Variants in MCCC1 observed in about 807,000 individuals in gnomAD.
The protein encoded by MCCC1 is methylcrotonyl-CoA carboxylase subunit 1.
In MCCC1, 64 loss-of-function variants were observed where a neutral mutation model predicts 83.8. The observed-to-expected ratio is 0.76, with a 90% CI of 0.62 to 0.94. MCCC1 has a LOEUF of 0.94. Among genes scored for constraint, MCCC1 ranks in the 40% least tolerant of loss-of-function variants. The probability of loss-of-function intolerance (pLI) is 0.00; values close to 1 mark genes in which losing one functional copy is unlikely to be tolerated. For synonymous variants in MCCC1, 322 were observed against 315.4 expected (o/e 1.02, Z -0.22); for missense variants, 807 against 904.7 (o/e 0.89, Z 1.39).
At position 183,112,920 on chromosome 3, in the gene MCCC1, A is replaced by T. The variant is rs143847971; in HGVS notation, c.-102+2554T>A. On this transcript the variant is annotated intron_variant, in intron 1 of 17. Transcript: ENST00000492597. Reference sequence around the variant, plus strand: ...AGACCCCCATCTTAAAAAATAAAAAAAAATAAAAAATAAAAAAAAAATTGG... The same window carrying T: ...AGACCCCCATCTTAAAAAATAAAAATAAATAAAAAATAAAAAAAAAATTGG... Among the ~76,000 whole-genome samples the T allele has an allele frequency of 2.8e-3, 424 of 151,840 alleles. 2 individuals are homozygous for T. The highest frequency in any genetic ancestry group is 9.4e-3 in the African/African-American group (388 of 41,412).
chr3:183,042,791 T>G (rs1416949839), intron 10 of MCCC1, among the ~76,000 whole-genome samples: 1 of 152,228 alleles, frequency 6.6e-6, no homozygotes, highest in Non-Finnish European at 1.5e-5. Flanking sequence ...CAGAGAAAAG[T>G]GTCTGGCATA....
rs116873750 is a variant in MCCC1 at position 183,110,878 on chromosome 3, C to A, written c.-102+4596G>T. 2.0e-3 allele frequency among the ~76,000 whole-genome samples: 300 copies of A among 152,190 alleles called. 3 individuals carry two copies. In the East Asian group the frequency reaches 0.043, roughly 22 times the overall value. On this transcript the variant is annotated intron_variant, in intron 1 of 17. Transcript: ENST00000492597. ...ATATGGCTAGCCGGTTATCACAGCA[C>A]CATTTATTGAATAGGGAGTCCTTTC...
rs138562534 is a variant in MCCC1, at chr3:183,037,957, C to T, written c.1378-523G>A. Among the ~76,000 whole-genome samples the T allele has an allele frequency of 7.4e-3, 1,125 of 152,188 alleles. 11 individuals carry two copies. Among genetic ancestry groups the T allele is most frequent in the African/African-American group, 0.026 (1,080 of 41,532 alleles). On this transcript the variant is annotated intron_variant, in intron 12 of 18. Coordinates refer to ENST00000265594, the MANE Select transcript of MCCC1 (RefSeq NM_020166.5). ...AAAATTTTAAAAGGTATAAAATTAA[C>T]CCAAATACACCAATAAATGGGATCA...
intron 12 of MCCC1, 129 bp from the exon 13 acceptor site, chr3:183,037,563 G>A (rs1454661883): frequency 1.1e-5 from 9 of 802,386 alleles, no homozygotes; most frequent in Non-Finnish European, 1.9e-5. Flanking sequence ...AACCTACTAA[G>A]GTACCATGTG....
At chr3:183,096,894 TC>T (rs1346826356) in intron 1 of MCCC1, among the ~76,000 whole-genome samples, 1 of 152,248 alleles carries the variant, frequency 6.6e-6, no homozygotes, top group East Asian at 1.9e-4. Flanking sequence ...CAAGGCCTAT[TC>T]TGGGCAGATG....
At position 183,071,335 on chromosome 3, in the gene MCCC1, C is replaced by T. The variant is rs1215200906; in HGVS notation, c.514G>A (p.Ala172Thr). Residue 172 changes from alanine to threonine, a missense_variant, in exon 6 of 19, where the codon GCT (alanine) becomes ACT (threonine). Coordinates refer to ENST00000265594, the MANE Select transcript of MCCC1 (RefSeq NM_020166.5). ...CCCTCCACAACAGGTACTCCAGCAG[C>T]AGCCATTATGGATTTGGATGTGCTT... ...IKSTSKSIMA[A>T]AGVPVVEGYH... 2 of 1,614,078 alleles carry T rather than the reference C, an allele frequency of 1.2e-6. No homozygotes were observed. Among genetic ancestry groups the T allele is most frequent in the Non-Finnish European group, 1.7e-6 (2 of 1,180,042 alleles).
Position 183,025,078 on chromosome 3 carries a change from A to G in MCCC1, c.1731+677T>C, listed in dbSNP as rs1712476789. 2.0e-5 allele frequency among the ~76,000 whole-genome samples: 3 copies of G among 152,208 alleles called. No homozygotes were observed. In the South Asian group the frequency reaches 6.2e-4, roughly 31 times the overall value. ...ACAAATACTACATTATTCCGCTTAT[A>G]TCAGGTACCTAGAGTAGTCAAATTC... On this transcript the variant is annotated intron_variant, in intron 15 of 18. Transcript: ENST00000265594.
At chr3:183,022,188 G>A (rs1199763930) in intron 16 of MCCC1, among the ~76,000 whole-genome samples, 1 of 152,186 alleles carries the variant, frequency 6.6e-6, no homozygotes, top group African/African-American at 2.4e-5. Context: ...GGAAGAAAAT[G>A]GGTATGTGTC....
At chr3:183,023,555 G>A (rs1428172947) in intron 15 of MCCC1, among the ~76,000 whole-genome samples, 1 of 152,146 alleles carries the variant, frequency 6.6e-6, no homozygotes, top group Non-Finnish European at 1.5e-5. Context: ...ACAGGGACAA[G>A]AAATAATCTC....
In MCCC1 at chr3:183,052,257, T is replaced by C; in HGVS notation, c.874-17A>G. 1 of 1,605,516 alleles carries C rather than the reference T, an allele frequency of 6.2e-7. No homozygotes were observed. Among genetic ancestry groups the C allele is most frequent in the Non-Finnish European group, 8.5e-7 (1 of 1,172,348 alleles). On this transcript the variant is annotated splice_polypyrimidine_tract_variant and intron_variant, in intron 8 of 18. Transcript: ENST00000265594. ...AATACCAGGCTATGAAAAAAATATG[T>C]AAATAAATCTCCATTAGTAGCTTGC...
chr3:183,051,215 T>A (rs781574907), intron 9 of MCCC1, among the ~76,000 whole-genome samples: 3 of 152,228 alleles, frequency 2.0e-5, no homozygotes, highest in Non-Finnish European at 4.4e-5. Flanking sequence ...AAAGCCTGTT[T>A]GTTTTCAGGG....
At chr3:183,057,994 AGAAT>A (rs1165533639) in intron 7 of MCCC1, among the ~76,000 whole-genome samples, 4 of 152,266 alleles carry the variant, frequency 2.6e-5, no homozygotes, top group African/African-American at 9.6e-5. Context: ...AACCTAAAGG[AGAAT>A]GAATGAATGA....
Position 183,071,049 on chromosome 3 carries a change from C to A in MCCC1, c.711G>T (p.Lys237Asn), listed in dbSNP as rs1716633366. ...TCAGCATAGCATCATCATTGAAAGA[C>A]TTCTTAGCTTCTCTCCGTGCTGACT... The part of the protein sequence containing the change: ...QLESARREAK[K>N]SFNDDAMLIE... Residue 237 changes from lysine to asparagine, a missense_variant, in exon 7 of 19, where the codon AAG (lysine) becomes AAT (asparagine). By Grantham distance (94) the Lys-to-Asn change is moderately conservative (BLOSUM62 0). Coordinates refer to ENST00000265594, the MANE Select transcript of MCCC1 (RefSeq NM_020166.5). 6.2e-7 allele frequency: 1 copy of A among 1,614,080 alleles called. No individual in the cohort carries two copies. The highest frequency in any genetic ancestry group is 1.7e-5 in the Admixed American group (1 of 59,998).
At chr3:183,038,969 G>A in intron 12 of MCCC1, 57 bp downstream of exon 12, 1 of 1,477,658 alleles carries the variant, frequency 6.8e-7, no homozygotes, top group Non-Finnish European at 9.5e-7. Flanking sequence ...GACAAAGGCT[G>A]ACCTCTGGTG....
intron 4 of MCCC1, among the ~76,000 whole-genome samples, chr3:183,080,289 C>A (rs896347034): frequency 1.3e-5 from 2 of 152,180 alleles, no homozygotes; most frequent in African/African-American, 4.8e-5. Context: ...TTTAATAGCA[C>A]CCAAGTCGTC....
At chr3:183,101,727 C>G (rs1384219778), upstream of MCCC1, among the ~76,000 whole-genome samples, 1 of 152,214 alleles carries the variant, frequency 6.6e-6, no homozygotes, top group East Asian at 1.9e-4. Context: ...GCTGTGGAAG[C>G]TTTGTTCTTT....
chr3:183,112,288 T>C (rs1719508149), intron 1 of MCCC1, among the ~76,000 whole-genome samples: 1 of 152,212 alleles, frequency 6.6e-6, no homozygotes, highest in African/African-American at 2.4e-5. Context: ...TTATTTCACA[T>C]AACAAGGACA....
intron 4 of MCCC1, among the ~76,000 whole-genome samples, chr3:183,073,561 C>T (rs548077515): frequency 3.9e-5 from 6 of 152,242 alleles, no homozygotes; most frequent in Admixed American, 6.5e-5. Flanking sequence ...AATTTGACCA[C>T]GCTTCTGTTC....
intron 5 of MCCC1, 142 bp downstream of exon 5, chr3:183,072,224 C>A: frequency 1.0e-6 from 1 of 954,742 alleles, no homozygotes; most frequent in Non-Finnish European, 1.6e-6. Flanking sequence ...GTTGCCCAGG[C>A]TGGTCTTGAA....
Sources: gnomAD v4.1 joint callset for allele counts (sites outside exome capture counted in the v4.1 genomes callset) on GRCh38, gnomAD v4.1.1 for gene constraint, MANE v1.5 for transcripts, NCBI Gene and HGNC (gene_info 2026-07-23, HGNC 2026-07-21) for gene names.